The following NCKAP5 variants were observed in gnomAD, a reference collection of about 807,000 sequenced individuals.
The protein encoded by NCKAP5 is NCK associated protein 5.
A neutral mutation model predicts 167.0 loss-of-function variants in NCKAP5; 92 were observed. The observed-to-expected ratio is 0.55, with a 90% confidence interval of 0.47 to 0.66. NCKAP5 has a LOEUF of 0.66. NCKAP5 is among the 30% of genes least tolerant of loss of function. NCKAP5 has a pLI of 0.00. For missense variants in NCKAP5, 2,378 were observed against 2,315.0 expected, an observed-to-expected ratio of 1.03 and a Z score of -0.56; for synonymous variants, 891 against 877.4, an observed-to-expected ratio of 1.02 and a Z score of -0.27.
chr2:132,845,448 CA>C (rs1164395387), intron 11 of NCKAP5, among the ~76,000 whole-genome samples: 1 of 152,066 alleles, frequency 6.6e-6, no homozygotes, highest in Non-Finnish European at 1.5e-5. Context: ...GGTATTAACC[CA>C]TGTAAAATTT....
intron 16 of NCKAP5, among the ~76,000 whole-genome samples, chr2:132,749,423 C>G (rs577080065): frequency 6.6e-6 from 1 of 152,082 alleles, no homozygotes; most frequent in African/African-American, 2.4e-5. Flanking sequence ...AGGCTGGTCT[C>G]GAACTCCTGG....
At chr2:132,912,007 C>T (rs1285364235) in intron 8 of NCKAP5, among the ~76,000 whole-genome samples, 4 of 152,150 alleles carry the variant, frequency 2.6e-5, no homozygotes, top group African/African-American at 9.7e-5. Context: ...GCAGAAACTA[C>T]CAATCTGAGC....
chr2:132,794,381 C>A (rs1013007197), intron 12 of NCKAP5, among the ~76,000 whole-genome samples: 1 of 146,820 alleles, frequency 6.8e-6, no homozygotes, highest in Non-Finnish European at 1.5e-5. Flanking sequence ...ACCTGTAATC[C>A]CAGCACTTTG....
intron 3 of NCKAP5, among the ~76,000 whole-genome samples, chr2:133,361,654 T>C (rs1310024570): frequency 6.6e-6 from 1 of 152,190 alleles, no homozygotes; most frequent in Non-Finnish European, 1.5e-5. Context: ...CAAAATGATA[T>C]AATCCCATGT....
chr2:132,991,186 A>G (rs1262859159), intron 7 of NCKAP5, among the ~76,000 whole-genome samples: 1 of 152,182 alleles, frequency 6.6e-6, no homozygotes, highest in East Asian at 1.9e-4. Flanking sequence ...CTATGTCCAC[A>G]TCTGTAAGAC....
chr2:133,405,869 C>T lies in NCKAP5; in HGVS notation c.70-102759G>A, dbSNP rs983634518. Among the ~76,000 whole-genome samples the T allele has an allele frequency of 2.6e-4, 39 of 152,294 alleles. 1 individual carries two copies. The highest frequency in any genetic ancestry group is 9.1e-4 in the African/African-American group (38 of 41,552). ...CAGCATCTATGACAGAGCCAGATGC[C>T]GTAGGCACTCAATACATAGTTGGTG... On this transcript the variant is annotated intron_variant, in intron 3 of 19. Coordinates refer to ENST00000409261, the MANE Select transcript of NCKAP5 (RefSeq NM_207363.3).
chr2:133,355,044 G>T (rs1201440841), intron 3 of NCKAP5, among the ~76,000 whole-genome samples: 2 of 152,118 alleles, frequency 1.3e-5, no homozygotes, highest in African/African-American at 4.8e-5. Context: ...GAAATTTAAT[G>T]GTTCATTGAC....
Position 132,782,019 on chromosome 2 carries a change from G to T in NCKAP5, c.4792C>A (p.Leu1598Met), listed in dbSNP as rs780737770. Residue 1598 changes from leucine (L) to methionine (M), a missense_variant, in exon 14 of 20, where the codon CTG becomes ATG. Around this residue, in one of 3 missense-constraint regions of NCKAP5, gnomAD observed 1,325 missense variants for 1,274.5 expected, o/e 1.04. Transcript: ENST00000409261. ...TGTCTATTCCTTGGTTCAATCTTCA[G>T]TTGGTTGTAAATGTCTTGTGGTGTT... ...RRTPQDIYNQ[L>M]KIEPRNRHSP... 8 of 1,613,992 alleles carry T rather than the reference G, an allele frequency of 5.0e-6. No individual in the cohort carries two copies. The highest frequency in any genetic ancestry group is 6.8e-6 in the Non-Finnish European group (8 of 1,179,872).
intron 5 of NCKAP5, among the ~76,000 whole-genome samples, chr2:133,169,648 C>T (rs1188245086): frequency 6.6e-6 from 1 of 152,196 alleles, no homozygotes; most frequent in Non-Finnish European, 1.5e-5. Flanking sequence ...GTTAAAGTGG[C>T]TCCCACTCGC....
chr2:133,641,218 A>G, the NCKAP5 span, among the ~76,000 whole-genome samples: 1 of 152,238 alleles, frequency 6.6e-6, no homozygotes, highest in Admixed American at 6.5e-5. Flanking sequence ...CTGCTTTCTC[A>G]TAGTAAAATG....
chr2:133,277,334 T>C (rs1274378083), intron 4 of NCKAP5, among the ~76,000 whole-genome samples: 1 of 152,192 alleles, frequency 6.6e-6, no homozygotes, highest in African/African-American at 2.4e-5. Context: ...TAAAAATTAA[T>C]ATATAGAAGT....
intron 6 of NCKAP5, among the ~76,000 whole-genome samples, chr2:133,092,211 A>AT: frequency 6.6e-6 from 1 of 152,322 alleles, no homozygotes; most frequent in South Asian, 2.1e-4. Flanking sequence ...CCTGAAATCC[A>AT]ATGGCTGAAA....
chr2:133,068,234 T>C (rs1866190), intron 6 of NCKAP5, among the ~76,000 whole-genome samples: 148,219 of 152,288 alleles, frequency 0.97, 72,155 homozygotes, highest in East Asian at 1. Flanking sequence ...CACACAAGTG[T>C]CCAGGGCTCA....
chr2:133,512,537 G>C (rs1000015201), intron 3 of NCKAP5, among the ~76,000 whole-genome samples: 15 of 152,140 alleles, frequency 9.9e-5, no homozygotes, highest in African/African-American at 3.1e-4. Context: ...TACAACAAAG[G>C]TGAGCAGTTG....
intron 8 of NCKAP5, among the ~76,000 whole-genome samples, chr2:132,894,221 C>T (rs1451891907): frequency 1.3e-5 from 2 of 152,170 alleles, no homozygotes; most frequent in South Asian, 4.1e-4. Flanking sequence ...AAAACAGCGG[C>T]ACTGAGGCGA....
intron 8 of NCKAP5, among the ~76,000 whole-genome samples, chr2:132,905,716 T>A (rs1693957704): frequency 6.6e-6 from 1 of 152,188 alleles, no homozygotes; most frequent in Non-Finnish European, 1.5e-5. Context: ...TACACTGAAT[T>A]TTCCCGATAA....
intron 15 of NCKAP5, among the ~76,000 whole-genome samples, chr2:132,780,424 ACAGG>A (rs1167162055): frequency 2.6e-4 from 40 of 152,326 alleles, no homozygotes; most frequent in African/African-American, 9.6e-4. Context: ...TGCTGGGATT[ACAGG>A]CGTGAGCCAC....
At chr2:133,623,654 G>T in the NCKAP5 span, among the ~76,000 whole-genome samples, 1 of 151,814 alleles carries the variant, frequency 6.6e-6, no homozygotes, top group Non-Finnish European at 1.5e-5. Flanking sequence ...AAAGATGTTG[G>T]CATGGATGCA....
chr2:133,050,302 G>A (rs560894997), intron 6 of NCKAP5, among the ~76,000 whole-genome samples: 1 of 151,904 alleles, frequency 6.6e-6, no homozygotes, highest in South Asian at 2.1e-4. Context: ...GGTGGGAAGG[G>A]GAAAAGACTA....
Sources: gnomAD v4.1 joint callset for allele counts (sites outside exome capture counted in the v4.1 genomes callset) on GRCh38, gnomAD v4.1.1 for gene constraint, gnomAD v4.1.1 regional missense constraint, MANE v1.5 for transcripts, NCBI Gene and HGNC (gene_info 2026-07-23, HGNC 2026-07-21) for gene names.